The following FOXO3 variants were observed in gnomAD, a reference collection of about 807,000 sequenced individuals.
The protein encoded by FOXO3 is forkhead box O3.
Under a neutral mutation model 41.9 loss-of-function variants are expected in FOXO3, and 4 were observed. That is an observed-to-expected ratio of 0.10 (90% CI 0.05 to 0.22). FOXO3 has a LOEUF of 0.22. FOXO3 is among the 10% of genes least tolerant of loss of function. FOXO3 has a pLI of 1.00. For missense variants in FOXO3, 534 were observed against 906.8 expected (o/e 0.59, Z 5.28); for synonymous variants, 318 against 389.3 (o/e 0.82, Z 2.16).
rs1775799092 is a variant in FOXO3, at chr6:108,561,790, C to T, written c.582C>T (p.Phe194=). Residue 194 remains phenylalanine (F), a synonymous_variant, in exon 1 of 3, where the codon TTC becomes TTT. Coordinates refer to ENST00000406360, the MANE Select transcript of FOXO3 (RefSeq NM_001455.4). ...GGATGGTGCGTTGCGTGCCCTACTT[C>T]AAGGATAAGGGCGACAGCAACAGCT... ...YEWMVRCVPY[F]KDKGDSNSSA... 1.9e-6 allele frequency: 3 copies of T among 1,598,504 alleles called. No individual in the cohort carries two copies. The highest frequency in any genetic ancestry group is 1.7e-6 in the Non-Finnish European group (2 of 1,173,544).
chr6:108,674,915 A>G (rs1011882739), intron 2 of FOXO3, among the ~76,000 whole-genome samples: 1 of 152,208 alleles, frequency 6.6e-6, no homozygotes, highest in Admixed American at 6.5e-5. Context: ...CTAAAAGTGT[A>G]CATACTATTA....
Position 108,680,590 on chromosome 6 carries a change from G to C in FOXO3, c.*798G>C, listed in dbSNP as rs1278366650. ...CACCAAGTCTACGGGTGCCAGATCA[G>C]TAGGGCCTGTGATTTCCTGTCAGTG... On this transcript the variant is annotated 3_prime_UTR_variant, in exon 3 of 3. Coordinates refer to ENST00000406360, the MANE Select transcript of FOXO3 (RefSeq NM_001455.4). The C allele has an allele frequency of 6.6e-6, 1 of 152,560 alleles. No homozygotes were observed. Among genetic ancestry groups the C allele is most frequent in the Non-Finnish European group, 1.5e-5 (1 of 68,072 alleles). 9.5% of individuals were successfully genotyped at this position (152,560 alleles called of 1,614,324 possible).
At chr6:108,599,591 T>C (rs1776986215) in intron 1 of FOXO3, among the ~76,000 whole-genome samples, 1 of 152,220 alleles carries the variant, frequency 6.6e-6, no homozygotes, top group African/African-American at 2.4e-5. Context: ...CATAGAGGCT[T>C]TCCCGGGCTC....
chr6:108,585,721 G>A (rs1354044611), intron 1 of FOXO3, among the ~76,000 whole-genome samples: 1 of 152,220 alleles, frequency 6.6e-6, no homozygotes, highest in Non-Finnish European at 1.5e-5. Flanking sequence ...TACTTAGGGT[G>A]CCTTAGGAAA....
intron 1 of FOXO3, among the ~76,000 whole-genome samples, chr6:108,580,529 G>A (rs1016319143): frequency 3.9e-5 from 6 of 152,230 alleles, no homozygotes; most frequent in African/African-American, 1.4e-4. Context: ...GGTACGAAAC[G>A]GCTAAGTGAC....
chr6:108,574,337 G>C (rs550983614), intron 1 of FOXO3, among the ~76,000 whole-genome samples: 1 of 152,232 alleles, frequency 6.6e-6, no homozygotes, highest in African/African-American at 2.4e-5. Context: ...TAGAAGAATA[G>C]AGTGACGCAT....
At chr6:108,578,633 T>G (rs1776325876) in intron 1 of FOXO3, among the ~76,000 whole-genome samples, 1 of 152,198 alleles carries the variant, frequency 6.6e-6, no homozygotes, top group Admixed American at 6.5e-5. Context: ...TGTTTTTTTT[T>G]GTGTGTGATC....
chr6:108,640,251 G>A (rs968620532), intron 1 of FOXO3, among the ~76,000 whole-genome samples: 4 of 152,198 alleles, frequency 2.6e-5, no homozygotes, highest in Non-Finnish European at 4.4e-5. Flanking sequence ...GAGGGCTGTG[G>A]CACAGTAAGC....
At chr6:108,591,485 C>G (rs72940696) in intron 1 of FOXO3, among the ~76,000 whole-genome samples, 3,486 of 152,264 alleles carry the variant, frequency 0.023, 57 homozygotes, top group Non-Finnish European at 0.033. Context: ...AGCATGAAAT[C>G]CAAAATTCTA....
At chr6:108,669,174 A>G (rs978905066) in intron 2 of FOXO3, among the ~76,000 whole-genome samples, 3 of 152,212 alleles carry the variant, frequency 2.0e-5, no homozygotes, top group Non-Finnish European at 2.9e-5. Context: ...TGTGAAATGG[A>G]CCTGGTGAAG....
intron 1 of FOXO3, among the ~76,000 whole-genome samples, chr6:108,660,308 C>G (rs1017565968): frequency 6.6e-6 from 1 of 152,060 alleles, no homozygotes; most frequent in Admixed American, 6.5e-5. Flanking sequence ...GTGTACTATC[C>G]GGACCATTAG....
At chr6:108,573,448 A>G (rs965454599) in intron 1 of FOXO3, among the ~76,000 whole-genome samples, 1 of 152,194 alleles carries the variant, frequency 6.6e-6, no homozygotes, top group African/African-American at 2.4e-5. Context: ...GACTCTGAGT[A>G]ACAGCACCTC....
chr6:108,566,000 C>T (rs903886949), intron 1 of FOXO3, among the ~76,000 whole-genome samples: 9 of 152,244 alleles, frequency 5.9e-5, no homozygotes, highest in South Asian at 2.1e-4. Context: ...CTGCTTGGCC[C>T]GTGTTGCCAA....
At chr6:108,613,415 A>G (rs2128370072) in intron 1 of FOXO3, among the ~76,000 whole-genome samples, 1 of 152,320 alleles carries the variant, frequency 6.6e-6, no homozygotes, top group East Asian at 1.9e-4. Flanking sequence ...TTTCATAGAT[A>G]CAATGCTGTT....
intron 1 of FOXO3, among the ~76,000 whole-genome samples, chr6:108,629,444 T>TAGGG (rs1777899903): frequency 6.6e-6 from 1 of 152,142 alleles, no homozygotes; most frequent in Non-Finnish European, 1.5e-5. Flanking sequence ...GTCTGGTAGT[T>TAGGG]AGGGGTGTCA....
intron 1 of FOXO3, chr6:108,617,967 CAG>C: frequency 1.9e-6 from 1 of 535,142 alleles, no homozygotes; most frequent in East Asian, 3.6e-5. Context: ...TCTGCGAGAA[CAG>C]AGTTCTGGAA....
chr6:108,678,957 T>C lies in FOXO3; in HGVS notation c.*35-870T>C, dbSNP rs111326678. Among the ~76,000 whole-genome samples the C allele has an allele frequency of 3.4e-3, 481 of 140,522 alleles. 1 individual carries two copies. The highest frequency in any genetic ancestry group is 0.01 in the South Asian group (40 of 4,000). The allele number at this position is 140,522 out of a possible 152,430, so 92.2% of individuals were successfully genotyped here. A position where few individuals can be genotyped will look rare whatever the true frequency, so the allele number is the denominator to read the frequency against. On this transcript the variant is annotated intron_variant, in intron 2 of 2. Transcript: ENST00000406360. ...TGCGATCTTGGCTCACTGCAAGCTC[T>C]GCCTCTCAGGTTCACGCCATTCTCC...
At position 108,561,846 on chromosome 6, in the gene FOXO3, G is replaced by A. The variant is rs751052530; in HGVS notation, c.621+17G>A. On this transcript the variant is annotated intron_variant, in intron 1 of 2. Coordinates refer to ENST00000406360, the MANE Select transcript of FOXO3 (RefSeq NM_001455.4). ...GGCTGGAAGGTGCGTACCCACCCCG[G>A]GCTGGCAGCAGGACCCGCCGGGCCT... 2.0e-6 allele frequency: 3 copies of A among 1,522,234 alleles called. No homozygotes were observed. The highest frequency in any genetic ancestry group is 2.6e-6 in the Non-Finnish European group (3 of 1,135,210). The allele number at this position is 1,522,234 out of a possible 1,614,324, so 94.3% of individuals were successfully genotyped here. A position where few individuals can be genotyped will look rare whatever the true frequency, so the allele number is the denominator to read the frequency against.
intron 2 of FOXO3, among the ~76,000 whole-genome samples, chr6:108,666,338 CT>C (rs953186934): frequency 1.5e-4 from 22 of 149,692 alleles, no homozygotes; most frequent in African/African-American, 5.5e-4. Flanking sequence ...TTTTCTTTTT[CT>C]TTTTCTTTTT....
Sources: gnomAD v4.1 joint callset for allele counts (sites outside exome capture counted in the v4.1 genomes callset) on GRCh38, gnomAD v4.1.1 for gene constraint, MANE v1.5 for transcripts, NCBI Gene and HGNC (gene_info 2026-07-23, HGNC 2026-07-21) for gene names.